The following MTRF1 variants were observed in gnomAD, a reference collection of about 807,000 sequenced individuals.
The protein encoded by MTRF1 is mitochondrial translation release factor 1.
MTRF1 carries 51 observed loss-of-function variants against 62.9 expected under a neutral mutation model. That is an observed-to-expected ratio of 0.81 (90% CI 0.65 to 1.02). The LOEUF (loss-of-function observed/expected upper bound fraction) is 1.02, where lower values mean the gene tolerates loss of function less well. Among genes scored for constraint, MTRF1 ranks in the 50% least tolerant of loss-of-function variants. The pLI is 0.00. For synonymous variants in MTRF1, 158 were observed against 181.9 expected (o/e 0.87, Z 1.06); for missense variants, 446 against 530.0 (o/e 0.84, Z 1.56).
chr13:41,241,467 G>C (rs1373425155), intron 5 of MTRF1, among the ~76,000 whole-genome samples: 1 of 152,190 alleles, frequency 6.6e-6, no homozygotes. Flanking sequence ...GAAAAAGAAC[G>C]GTGCTAGTCA....
chr13:41,302,612 C>T, the MTRF1 span, among the ~76,000 whole-genome samples: 1 of 151,866 alleles, frequency 6.6e-6, no homozygotes, highest in African/African-American at 2.4e-5. Context: ...TCACTGCAAC[C>T]TTGACCTCCT....
intron 5 of MTRF1, among the ~76,000 whole-genome samples, chr13:41,248,283 A>T (rs1422672092): frequency 2.0e-5 from 3 of 152,160 alleles, no homozygotes; most frequent in Non-Finnish European, 4.4e-5. Context: ...CACCACACTC[A>T]GCTAATTTTT....
At chr13:41,220,516 A>C in intron 9 of MTRF1, 1 of 1,118,710 alleles carries the variant, frequency 8.9e-7, no homozygotes, top group Non-Finnish European at 1.2e-6. Flanking sequence ...TTAGCTCGAT[A>C]AATAAAAGTA....
chr13:41,227,106 C>T (rs776150896), intron 7 of MTRF1, among the ~76,000 whole-genome samples: 6 of 151,928 alleles, frequency 3.9e-5, no homozygotes, highest in Non-Finnish European at 7.4e-5. Context: ...CTGGATAACA[C>T]AGTGAAACCC....
At chr13:41,265,689 C>T (rs867146056), upstream of MTRF1, among the ~76,000 whole-genome samples, 12 of 151,884 alleles carry the variant, frequency 7.9e-5, no homozygotes, top group Middle Eastern at 3.4e-3. Context: ...GAAGAGGTTA[C>T]GTGAGTACAC....
intron 7 of MTRF1, among the ~76,000 whole-genome samples, chr13:41,231,434 A>G (rs550501071): frequency 3.3e-5 from 5 of 152,224 alleles, no homozygotes; most frequent in Non-Finnish European, 7.3e-5. Context: ...GGGACTAGTT[A>G]TAAGGGAGGG....
the MTRF1 span, among the ~76,000 whole-genome samples, chr13:41,297,300 A>T: frequency 5.3e-5 from 8 of 152,226 alleles, no homozygotes; most frequent in Non-Finnish European, 1.0e-4. Context: ...AATGCCAATC[A>T]GCCCACTCTG....
chr13:41,242,652 A>G (rs1194415187), intron 5 of MTRF1, among the ~76,000 whole-genome samples: 1 of 152,136 alleles, frequency 6.6e-6, no homozygotes, highest in Non-Finnish European at 1.5e-5. Flanking sequence ...TCGCTCTAAA[A>G]TATCTTTTAA....
At chr13:41,279,135 C>T in the MTRF1 span, among the ~76,000 whole-genome samples, 1 of 152,028 alleles carries the variant, frequency 6.6e-6, no homozygotes, top group Non-Finnish European at 1.5e-5. Context: ...ATTACAGGCA[C>T]CTGCCACCAT....
chr13:41,220,724 C>T, intron 9 of MTRF1: 1 of 581,666 alleles, frequency 1.7e-6, no homozygotes, highest in South Asian at 1.6e-5. Flanking sequence ...CTCTGTGTAT[C>T]AATTTCATTC....
At chr13:41,245,414 A>G (rs2038114532) in intron 5 of MTRF1, among the ~76,000 whole-genome samples, 1 of 151,846 alleles carries the variant, frequency 6.6e-6, no homozygotes, top group Non-Finnish European at 1.5e-5. Context: ...CTAATTTTTA[A>G]AATTTTTTGT....
At chr13:41,300,762 T>C in the MTRF1 span, among the ~76,000 whole-genome samples, 1 of 152,174 alleles carries the variant, frequency 6.6e-6, no homozygotes, top group East Asian at 1.9e-4. Flanking sequence ...TCCTAAATTG[T>C]TTACCAAGAT....
intron 9 of MTRF1, among the ~76,000 whole-genome samples, chr13:41,219,274 G>A (rs1395323216): frequency 4.4e-5 from 6 of 135,078 alleles, no homozygotes; most frequent in African/African-American, 1.3e-4. Context: ...CTGGGCAACA[G>A]AGCAAGACTC....
chr13:41,237,389 CTAAAA>C (rs2036821342), intron 6 of MTRF1, among the ~76,000 whole-genome samples: 1 of 151,382 alleles, frequency 6.6e-6, no homozygotes. Context: ...AAATCAAATC[CTAAAA>C]TGAAATAAAA....
At chr13:41,244,841 C>A (rs141637656) in intron 5 of MTRF1, among the ~76,000 whole-genome samples, 2 of 152,138 alleles carry the variant, frequency 1.3e-5, no homozygotes, top group Admixed American at 6.5e-5. Flanking sequence ...TCATGAGACA[C>A]CCTGTGCCAC....
chr13:41,231,866 C>T, intron 7 of MTRF1, among the ~76,000 whole-genome samples: 1 of 137,172 alleles, frequency 7.3e-6, no homozygotes, highest in East Asian at 2.1e-4. Context: ...TGTGGAGAAA[C>T]CTGGTGTCTA....
At chr13:41,248,991 T>C (rs2038658133) in intron 5 of MTRF1, among the ~76,000 whole-genome samples, 1 of 152,202 alleles carries the variant, frequency 6.6e-6, no homozygotes, top group African/African-American at 2.4e-5. Flanking sequence ...TCTGTACCTA[T>C]TGCCACAAAA....
intron 7 of MTRF1, among the ~76,000 whole-genome samples, chr13:41,232,998 A>G (rs143141816): frequency 1.3e-5 from 2 of 152,350 alleles, no homozygotes; most frequent in African/African-American, 4.8e-5. Flanking sequence ...GTCTAACACT[A>G]TCTGTTCATT....
At position 41,226,473 on chromosome 13, in the gene MTRF1, C is replaced by A. The variant is rs758727596; in HGVS notation, c.1084G>T (p.Glu362Ter). 2.5e-6 allele frequency: 4 copies of A among 1,613,450 alleles called. No homozygotes were observed. Among genetic ancestry groups the A allele is most frequent in the Non-Finnish European group, 3.4e-6 (4 of 1,179,908 alleles). The change falls in exon 8 of 10, where the codon GAG (glutamate) becomes TAG (stop). Residue 362 changes from glutamate to a stop codon, truncating the protein, a stop_gained. Coordinates refer to ENST00000379480, the MANE Select transcript of MTRF1 (RefSeq NM_004294.4). LOFTEE classifies it high-confidence loss of function. ...LRARLYQQII[E>*]KDKRQQQSAR... ...CTTTGTTGCTGACGCTTGTCTTTCT[C>A]AATAATCTGCTGGTAGAGTCTAGCT...
Sources: allele counts gnomAD v4.1 joint callset (sites outside exome capture counted in the v4.1 genomes callset), GRCh38; gene constraint gnomAD v4.1.1; transcripts MANE v1.5; gene names NCBI Gene and HGNC (gene_info 2026-07-23, HGNC 2026-07-21).